PHGDH: variants seen among roughly 807,000 people sequenced by gnomAD.
The protein encoded by PHGDH is phosphoglycerate dehydrogenase.
PHGDH carries 50 observed loss-of-function variants against 52.6 expected under a neutral mutation model. The ratio of observed to expected loss-of-function variants is 0.95; its 90% CI spans 0.76 to 1.20. PHGDH has a LOEUF of 1.20. PHGDH is among the 50% of genes most tolerant of loss of function. PHGDH has a pLI of 0.00. For synonymous variants in PHGDH, 271 were observed against 280.5 expected (o/e 0.97, Z 0.34); for missense variants, 630 against 684.6 (o/e 0.92, Z 0.89).
At chr1:119,721,359 G>A (rs764096404) in intron 2 of PHGDH, 38 bp downstream of exon 2, 1 of 1,603,544 alleles carries the variant, frequency 6.2e-7, no homozygotes, top group South Asian at 1.1e-5. Context: ...GGGGGTAGGG[G>A]GGTGAGTGCG....
At chr1:119,721,087 T>C (rs750172837) in intron 1 of PHGDH, 83 bp from the exon 2 acceptor site, 2 of 1,301,774 alleles carry the variant, frequency 1.5e-6, no homozygotes, top group Non-Finnish European at 2.2e-6. Flanking sequence ...CATCTCTTAC[T>C]CAGGAGTAAG....
intron 3 of PHGDH, chr1:119,724,231 A>G (rs901543220): frequency 2.5e-5 from 4 of 162,594 alleles, no homozygotes; most frequent in Non-Finnish European, 4.1e-5. Flanking sequence ...TAAACAGGGT[A>G]GGAAGTTGTT....
intron 5 of PHGDH, among the ~76,000 whole-genome samples, chr1:119,733,673 A>G (rs910018230): frequency 9.9e-5 from 15 of 152,124 alleles, no homozygotes; most frequent in Non-Finnish European, 2.9e-5. Flanking sequence ...CTGTATCCCT[A>G]ATTTCAAAAG....
In PHGDH at chr1:119,714,487, T is replaced by C. The variant is rs637868; in HGVS notation, c.138+2327T>C. ...ACAGCAATGCAGATAGATAGTAAGGTTGTAAGTATTGTTTCATGAATTTTG... is the reference window on the plus strand; with the variant it reads ...ACAGCAATGCAGATAGATAGTAAGGCTGTAAGTATTGTTTCATGAATTTTG... On this transcript the variant is annotated intron_variant, in intron 1 of 11. Transcript: ENST00000641023. 0.56 allele frequency: 85,530 copies of C among 152,030 alleles called. 24,684 individuals are homozygous for C. Among genetic ancestry groups the C allele is most frequent in the East Asian group, 0.92 (4,784 of 5,178 alleles). The allele number at this position is 152,030 out of a possible 1,614,324, so 9.4% of individuals were successfully genotyped here. A position where few individuals can be genotyped will look rare whatever the true frequency, so the allele number is the denominator to read the frequency against.
In PHGDH at chr1:119,731,331, G is replaced by C. The variant is rs1318372349; in HGVS notation, c.511-3303G>C. On this transcript the variant is annotated intron_variant, in intron 5 of 11. Transcript: ENST00000641023. ...TTCTCAATAGTGTTGCTGAATGACA[G>C]GTCGTGACCTCAGAGACTCAGCTCA... 2.6e-5 allele frequency among the ~76,000 whole-genome samples: 4 copies of C among 152,158 alleles called. No individual in the cohort carries two copies. The East Asian group carries it at 7.7e-4, about 29-fold the overall frequency.
At chr1:119,717,033 A>G (rs1361129173) in intron 1 of PHGDH, among the ~76,000 whole-genome samples, 1 of 152,024 alleles carries the variant, frequency 6.6e-6, no homozygotes, top group Non-Finnish European at 1.5e-5. Flanking sequence ...TCTTCTGTGC[A>G]TTGCCTATTT....
rs1476476746 is a variant in PHGDH, at chr1:119,742,652, T to C, written c.1210-155T>C. ...AAGCTGATGCCGAAGGGCACACAGC[T>C]TGGCCCATTTGCCCTCTCCCTTCTG... On this transcript the variant is annotated intron_variant, in intron 10 of 11. Transcript: ENST00000641023. The C allele has an allele frequency of 5.9e-6, 4 of 673,268 alleles. No homozygotes were observed. In the East Asian group the frequency reaches 1.1e-4, roughly 18 times the overall value. 41.7% of individuals were successfully genotyped at this position (673,268 alleles called of 1,614,324 possible).
intron 2 of PHGDH, among the ~76,000 whole-genome samples, chr1:119,722,426 AAG>A: frequency 6.6e-6 from 1 of 152,352 alleles, no homozygotes; most frequent in East Asian, 1.9e-4. Context: ...AAAAGCATTT[AAG>A]AAAAGAAAAA....
intron 5 of PHGDH, among the ~76,000 whole-genome samples, chr1:119,731,791 A>G (rs1651705603): frequency 1.3e-5 from 2 of 152,196 alleles, no homozygotes; most frequent in Admixed American, 1.3e-4. Flanking sequence ...CATTTTAGGT[A>G]AACAGTCCCT....
intron 3 of PHGDH, chr1:119,726,574 T>G (rs1015812651): frequency 3.1e-5 from 17 of 549,654 alleles, no homozygotes; most frequent in African/African-American, 2.8e-4. Flanking sequence ...AAACTCACTC[T>G]GGTTGATGCC....
intron 1 of PHGDH, chr1:119,713,019 A>G (rs1557962615): frequency 6.6e-6 from 1 of 152,260 alleles, no homozygotes; most frequent in Non-Finnish European, 1.5e-5. Context: ...GTGATATATA[A>G]TTAATCTACT....
At chr1:119,723,490 A>G in intron 3 of PHGDH, 49 bp downstream of exon 3, 1 of 1,402,510 alleles carries the variant, frequency 7.1e-7, no homozygotes, top group Non-Finnish European at 1.0e-6. Context: ...TATGCCAATT[A>G]TTACCACTTG....
intron 3 of PHGDH, chr1:119,726,621 T>A (rs991721737): frequency 8.3e-6 from 5 of 602,112 alleles, no homozygotes; most frequent in Admixed American, 8.0e-5. Flanking sequence ...TCCTCCCAGA[T>A]GCCTGGCTGG....
intron 3 of PHGDH, among the ~76,000 whole-genome samples, chr1:119,725,899 C>T (rs978535843): frequency 6.6e-6 from 1 of 152,178 alleles, no homozygotes; most frequent in Non-Finnish European, 1.5e-5. Context: ...AACTGTTTAA[C>T]CTCCAGTGCC....
intron 1 of PHGDH, among the ~76,000 whole-genome samples, chr1:119,714,831 C>A (rs1317022868): frequency 6.6e-6 from 1 of 152,178 alleles, no homozygotes; most frequent in Non-Finnish European, 1.5e-5. Context: ...GTGGGAGGAT[C>A]GCTTGAGCCT....
intron 1 of PHGDH, among the ~76,000 whole-genome samples, chr1:119,717,544 A>G (rs1346014316): frequency 6.6e-6 from 1 of 152,200 alleles, no homozygotes; most frequent in Non-Finnish European, 1.5e-5. Flanking sequence ...TCTTTAATTC[A>G]TCTGGATTTT....
intron 5 of PHGDH, among the ~76,000 whole-genome samples, chr1:119,732,202 G>A (rs1651724127): frequency 6.6e-6 from 1 of 152,190 alleles, no homozygotes; most frequent in African/African-American, 2.4e-5. Flanking sequence ...GCTCTGCTGA[G>A]CCAGCAAGGC....
rs1381790969 is a variant in PHGDH, at chr1:119,724,070, G to A, written c.356+629G>A. On this transcript the variant is annotated intron_variant, in intron 3 of 11. Coordinates refer to ENST00000641023, the MANE Select transcript of PHGDH (RefSeq NM_006623.4). The stretch of plus-strand genomic sequence containing the variant: ...AGTTCCAGGCCTCTTGAGTGGATGG[G>A]GCAGCCTAGAAATCAAATGGTTGTG... Among the ~76,000 whole-genome samples, 5 of 152,122 alleles carry A rather than the reference G, an allele frequency of 3.3e-5. No individual in the cohort carries two copies. The South Asian group carries it at 8.3e-4, about 25-fold the overall frequency.
chr1:119,741,897 T>C lies in PHGDH; in HGVS notation c.1209T>C (p.Asn403=), dbSNP rs755664482. The C allele has an allele frequency of 2.5e-6, 4 of 1,613,292 alleles. 1 individual carries two copies. The highest frequency in any genetic ancestry group is 3.3e-4 in the Middle Eastern group (2 of 6,084). The change falls in exon 10 of 12, where the codon AAT becomes AAC. Residue 403 remains asparagine, a splice_region_variant and synonymous_variant. Coordinates refer to ENST00000641023, the MANE Select transcript of PHGDH (RefSeq NM_006623.4). ...TGCTGGTGAAAGAGGCTGGCCTCAA[T>C]GTGCGCCCCTCTCCCCCACGCTGCC... ...AKLLVKEAGL[N]VTTSHSPAAP...
Sources: allele counts gnomAD v4.1 joint callset (sites outside exome capture counted in the v4.1 genomes callset), GRCh38; gene constraint gnomAD v4.1.1; transcripts MANE v1.5; gene names NCBI Gene and HGNC (gene_info 2026-07-23, HGNC 2026-07-21).